Variants in ZNF718 observed in about 807,000 individuals in gnomAD.
ZNF718 encodes the protein zinc finger protein 718.
In ZNF718, 3 loss-of-function variants were observed where a neutral mutation model predicts 2.6. The ratio of observed to expected loss-of-function variants is 1.16; its 90% CI spans 0.53 to 3.01. The LOEUF (loss-of-function observed/expected upper bound fraction) is 3.01. ZNF718 is among the 30% of genes most tolerant of loss of function. ZNF718 has a pLI of 0.03. For synonymous variants in ZNF718, 135 were observed against 77.9 expected, an observed-to-expected ratio of 1.73 and a Z score of -3.86; for missense variants, 468 against 230.0, an observed-to-expected ratio of 2.03 and a Z score of -6.69.
chr4:174,051 A>C (rs1553818664), intron 3 of ZNF718, among the ~76,000 whole-genome samples: 2 of 152,178 alleles, frequency 1.3e-5, no homozygotes, highest in African/African-American at 4.8e-5. Flanking sequence ...TTAGGAGATC[A>C]GTTTTAGGAC....
rs1715729743 is a variant in ZNF718, at chr4:139,799, C to A, written c.226+8294C>A. On this transcript the variant is annotated intron_variant, in intron 3 of 3. Coordinates refer to ENST00000510175, the MANE Select transcript of ZNF718 (RefSeq NM_001039127.6). ...GCTCCATACAAGAGCTTTCTCTTTT[C>A]ATTTCCAACTTGGAACACTTGGTGG... is the stretch of plus-strand genomic sequence containing the variant. 2.0e-5 allele frequency among the ~76,000 whole-genome samples: 3 copies of A among 152,196 alleles called. No homozygotes were observed. In the South Asian group the frequency reaches 6.2e-4, roughly 32 times the overall value.
chr4:164,686 G>C (rs1553816418), downstream of ZNF718, among the ~76,000 whole-genome samples: 1 of 152,100 alleles, frequency 6.6e-6, no homozygotes, highest in African/African-American at 2.4e-5. Context: ...CATTTAGTTA[G>C]AATATTTTGT....
intron 1 of ZNF718, chr4:125,005 C>A (rs1183758335): frequency 1.1e-5 from 3 of 274,034 alleles, no homozygotes; most frequent in Non-Finnish European, 2.1e-5. Context: ...TTACCCTGTT[C>A]AGAATGAGAT....
At chr4:136,558 C>A (rs1251782192) in intron 3 of ZNF718, 1 of 478,528 alleles carries the variant, frequency 2.1e-6, no homozygotes, top group African/African-American at 2.0e-5. Flanking sequence ...TGGGTGAGGC[C>A]CTGCTTTTTC....
Position 129,528 on chromosome 4 carries a change from C to G in ZNF718, c.4-1260C>G, listed in dbSNP as rs1412820859. Among the ~76,000 whole-genome samples the G allele has an allele frequency of 1.6e-3, 166 of 104,214 alleles. 56 individuals carry two copies. The highest frequency in any genetic ancestry group is 3.3e-3 in the Non-Finnish European group (152 of 46,716). The allele number at this position is 104,214 out of a possible 152,430, so 68.4% of individuals were successfully genotyped here. A position where few individuals can be genotyped will look rare whatever the true frequency, so the allele number is the denominator to read the frequency against. On this transcript the variant is annotated intron_variant, in intron 1 of 3. Coordinates refer to ENST00000510175, the MANE Select transcript of ZNF718 (RefSeq NM_001039127.6). ...CTGGTGCTCACAATTTCCTGATACC[C>G]AAAAGCAGATAAATGAGGAAAAGCA... is the stretch of plus-strand genomic sequence containing the variant.
chr4:174,108 G>A (rs1717300653), intron 3 of ZNF718, among the ~76,000 whole-genome samples: 1 of 152,034 alleles, frequency 6.6e-6, no homozygotes. Context: ...ACATTCCTTT[G>A]TATCTACTCC....
chr4:169,758 G>A (rs1717178167), intron 3 of ZNF718, among the ~76,000 whole-genome samples: 1 of 152,098 alleles, frequency 6.6e-6, no homozygotes, highest in Non-Finnish European at 1.5e-5. Flanking sequence ...CGTGAGATGG[G>A]TTTCCTGAAT....
chr4:160,716 A>AT (rs1198664508), intron 3 of ZNF718, among the ~76,000 whole-genome samples, 196 bp from the exon 4 acceptor site: 11 of 151,546 alleles, frequency 7.3e-5, no homozygotes, highest in Admixed American at 1.3e-4. Context: ...TTCCCAGCAC[A>AT]TTTTTTTTGT....
intron 3 of ZNF718, among the ~76,000 whole-genome samples, chr4:138,122 T>C (rs374167153): frequency 2.6e-4 from 40 of 152,336 alleles, no homozygotes; most frequent in African/African-American, 9.4e-4. Context: ...CTCAAGTGTT[T>C]ATTCTTTGTT....
chr4:160,815 T>G, intron 3 of ZNF718, 97 bp from the exon 4 acceptor site: 1 of 653,412 alleles, frequency 1.5e-6, no homozygotes, highest in East Asian at 2.5e-5. Flanking sequence ...CCTCGGAAAC[T>G]GCTGGAATTA....
intron 3 of ZNF718, among the ~76,000 whole-genome samples, chr4:173,039 A>G (rs11733927): frequency 0.19 from 28,260 of 152,000 alleles, 2,813 homozygotes; most frequent in Admixed American, 0.26. Context: ...GTGAGACTCC[A>G]TCTTAAAAAA....
At chr4:134,617 C>G (rs980048837) in intron 3 of ZNF718, among the ~76,000 whole-genome samples, 2 of 152,078 alleles carry the variant, frequency 1.3e-5, no homozygotes, top group African/African-American at 4.8e-5. Flanking sequence ...TTTGTGTCTA[C>G]TGAAATTTCT....
chr4:199,846 C>G (rs1717864218), intron 3 of ZNF718, among the ~76,000 whole-genome samples: 1 of 152,158 alleles, frequency 6.6e-6, no homozygotes, highest in South Asian at 2.1e-4. Flanking sequence ...AGCCTTCTGC[C>G]TGGTAGTCCT....
At position 161,888 on chromosome 4, in the gene ZNF718, C is replaced by T. The variant is rs782190560; in HGVS notation, c.1203C>T (p.Gly401=). The change falls in exon 4 of 4, where the codon GGC becomes GGT. Residue 401 remains glycine, a synonymous_variant. Coordinates refer to ENST00000510175, the MANE Select transcript of ZNF718 (RefSeq NM_001039127.6). The part of the protein sequence containing the change: ...GKNPYKCEDC[G]KAFKVFANLH... The stretch of plus-strand genomic sequence containing the variant: ...ATCCCTACAAATGTGAAGATTGTGG[C>T]AAAGCCTTTAAAGTGTTTGCAAACC... 2 of 780,050 alleles carry T rather than the reference C, an allele frequency of 2.6e-6. No individual in the cohort carries two copies. Among genetic ancestry groups the T allele is most frequent in the South Asian group, 2.7e-5 (2 of 74,512 alleles). 48.3% of individuals were successfully genotyped at this position (780,050 alleles called of 1,614,324 possible).
intron 3 of ZNF718, among the ~76,000 whole-genome samples, chr4:194,034 G>T (rs1232761808): frequency 2.0e-5 from 3 of 152,186 alleles, no homozygotes; most frequent in African/African-American, 7.2e-5. Flanking sequence ...CCACTTGCCT[G>T]AAGGCCATGA....
chr4:179,564 A>G (rs1301427134), intron 3 of ZNF718, among the ~76,000 whole-genome samples: 1 of 152,212 alleles, frequency 6.6e-6, no homozygotes, highest in African/African-American at 2.4e-5. Context: ...GAATTGCATC[A>G]GAGATCATGT....
chr4:173,767 G>C (rs182034875), intron 3 of ZNF718, among the ~76,000 whole-genome samples: 4 of 152,286 alleles, frequency 2.6e-5, no homozygotes, highest in African/African-American at 9.6e-5. Flanking sequence ...CAAGCAGCTA[G>C]GGCCACCACC....
chr4:140,017 CT>C lies in ZNF718; in HGVS notation c.226+8522del, dbSNP rs1292799688. 4.3e-4 allele frequency among the ~76,000 whole-genome samples: 64 copies of C among 149,072 alleles called. 1 individual carries two copies. The highest frequency in any genetic ancestry group is 1.1e-3 in the African/African-American group (45 of 40,676). The stretch of plus-strand genomic sequence containing the variant: ...TTGCCCTGCCCAGAAGGGGGAATGA[CT>C]TTTTTTTTTATCTTTTCTGCACGTG... On this transcript the variant is annotated intron_variant, in intron 3 of 3. Coordinates refer to ENST00000510175, the MANE Select transcript of ZNF718 (RefSeq NM_001039127.6).
rs912310988 is a variant in ZNF718, at chr4:135,114, C to T, written c.226+3609C>T. On this transcript the variant is annotated intron_variant, in intron 3 of 3. Coordinates refer to ENST00000510175, the MANE Select transcript of ZNF718 (RefSeq NM_001039127.6). ...AAAATTAGCTGGGCGTGGTGGCACG[C>T]GCCTGTAGTCCCAGCTACTAGGGAG... 4.6e-5 allele frequency among the ~76,000 whole-genome samples: 7 copies of T among 151,898 alleles called. No individual in the cohort carries two copies. In the East Asian group the frequency reaches 7.8e-4, roughly 17 times the overall value.
Sources: gnomAD v4.1 joint callset for allele counts (sites outside exome capture counted in the v4.1 genomes callset) on GRCh38, gnomAD v4.1.1 for gene constraint, MANE v1.5 for transcripts, NCBI Gene and HGNC (gene_info 2026-07-23, HGNC 2026-07-21) for gene names.